Variants in ORC3 observed in about 807,000 individuals in gnomAD.
ORC3 encodes the protein origin recognition complex subunit 3.
In ORC3, 78 loss-of-function variants were observed where a neutral mutation model predicts 100.7. The ratio of observed to expected loss-of-function variants is 0.77; its 90% CI spans 0.65 to 0.94. The LOEUF (loss-of-function observed/expected upper bound fraction) is 0.94. ORC3 is among the 40% of genes least tolerant of loss of function. The pLI, the probability that ORC3 is intolerant of heterozygous loss-of-function variation, is 0.00. For missense variants in ORC3, 789 were observed against 823.9 expected, an observed-to-expected ratio of 0.96 and a Z score of 0.52; for synonymous variants, 295 against 289.3, an observed-to-expected ratio of 1.02 and a Z score of -0.20.
intron 4 of ORC3, 88 bp from the exon 5 acceptor site, chr6:87,605,829 A>T (rs1178447813): frequency 2.9e-6 from 2 of 690,516 alleles, no homozygotes; most frequent in Non-Finnish European, 5.0e-6. Context: ...AAATGTTTTT[A>T]CTTGTTTGCT....
intron 13 of ORC3, among the ~76,000 whole-genome samples, chr6:87,651,554 A>G (rs1769268050): frequency 2.0e-5 from 3 of 152,346 alleles, no homozygotes; most frequent in East Asian, 1.9e-4. Flanking sequence ...CCTTTCACAG[A>G]TAAAGATTAT....
In ORC3 at chr6:87,612,252, A is replaced by G. The variant is rs532365422; in HGVS notation, c.873+4A>G. ...CCTGACTACGGTACTCGATAAGGTAAAAAGAATAAGTTTTACCAGTGAAAT... is the reference window on the plus strand; with the variant it reads ...CCTGACTACGGTACTCGATAAGGTAGAAAGAATAAGTTTTACCAGTGAAAT... On this transcript the variant is annotated splice_donor_region_variant and intron_variant, in intron 8 of 19. Coordinates refer to ENST00000392844, the MANE Select transcript of ORC3 (RefSeq NM_012381.4). 3.4e-5 allele frequency: 54 copies of G among 1,587,922 alleles called. No homozygotes were observed. The highest frequency in any genetic ancestry group is 4.3e-5 in the Non-Finnish European group (50 of 1,169,836).
chr6:87,594,269 G>T, intron 1 of ORC3, 84 bp from the exon 2 acceptor site: 2 of 902,480 alleles, frequency 2.2e-6, no homozygotes, highest in Admixed American at 2.2e-5. Context: ...TTAAAAAAGT[G>T]CTTACCCATA....
rs1052932276 is a variant in ORC3, at chr6:87,642,674, G to A, written c.1382+6188G>A. ...TCCCAGCACTTTGGGAGGCCGAGGC[G>A]GATGGATCACGAGGTCAGGAGATTG... On this transcript the variant is annotated intron_variant, in intron 13 of 19. Coordinates refer to ENST00000392844, the MANE Select transcript of ORC3 (RefSeq NM_012381.4). Among the ~76,000 whole-genome samples, 9 of 150,790 alleles carry A rather than the reference G, an allele frequency of 6.0e-5. No individual in the cohort carries two copies. The South Asian group carries it at 6.3e-4, about 11-fold the overall frequency.
chr6:87,640,364 A>G (rs1469994118), intron 13 of ORC3, among the ~76,000 whole-genome samples: 2 of 152,242 alleles, frequency 1.3e-5, no homozygotes, highest in Non-Finnish European at 2.9e-5. Context: ...TTTTAAATGT[A>G]TGCAACAGAC....
intron 7 of ORC3, among the ~76,000 whole-genome samples, chr6:87,609,996 C>T (rs1778626110): frequency 6.6e-6 from 1 of 152,134 alleles, no homozygotes; most frequent in Non-Finnish European, 1.5e-5. Context: ...AAACTATTTT[C>T]ACGATTGCAT....
intron 2 of ORC3, among the ~76,000 whole-genome samples, chr6:87,600,658 A>G (rs1777827099): frequency 6.6e-6 from 1 of 152,240 alleles, no homozygotes; most frequent in Non-Finnish European, 1.5e-5. Flanking sequence ...AAGTTCAAAC[A>G]TAGTTCAAAG....
Position 87,622,012 on chromosome 6 carries a change from A to G in ORC3, c.1184A>G (p.Lys395Arg). ...VALLTNERYL[K>R]EETQLLLENL... is the part of the protein sequence containing the mutation. Reference sequence around the variant, plus strand: ...CTCTTGACCAATGAGAGATATTTGAAGGTAGGAATGTGAATGTGTTTCAGT... The same window carrying G: ...CTCTTGACCAATGAGAGATATTTGAGGGTAGGAATGTGAATGTGTTTCAGT... Residue 395 changes from lysine (K) to arginine (R), a missense_variant and splice_region_variant, in exon 11 of 20, where the codon AAG (lysine) becomes AGG (arginine). Lys to Arg is a conservative substitution (Grantham distance 26). Around this residue, in one of 3 missense-constraint regions of ORC3, gnomAD observed 366 missense variants for 394.2 expected, o/e 0.93. Coordinates refer to ENST00000392844, the MANE Select transcript of ORC3 (RefSeq NM_012381.4). The G allele has an allele frequency of 6.3e-7, 1 of 1,599,408 alleles. No individual in the cohort carries two copies. Among genetic ancestry groups the G allele is most frequent in the Non-Finnish European group, 8.6e-7 (1 of 1,167,942 alleles).
At chr6:87,606,716 T>TTTG (rs893648735) in intron 5 of ORC3, among the ~76,000 whole-genome samples, 9 of 151,800 alleles carry the variant, frequency 5.9e-5, no homozygotes, top group African/African-American at 2.2e-4. Flanking sequence ...ATTGTGGGGT[T>TTTG]TTGTTGTTGT....
rs189132415 is a variant in ORC3 at position 87,614,553 on chromosome 6, T to C, written c.874-1761T>C. Among the ~76,000 whole-genome samples the C allele has an allele frequency of 2.8e-3, 424 of 152,320 alleles. 4 individuals are homozygous for C. Among genetic ancestry groups the C allele is most frequent in the Non-Finnish European group, 3.8e-3 (259 of 68,032 alleles). On this transcript the variant is annotated intron_variant, in intron 8 of 19. Coordinates refer to ENST00000392844, the MANE Select transcript of ORC3 (RefSeq NM_012381.4). Reference sequence around the variant, plus strand: ...GTCAGGCTGCAAATTTTCCAAACTTTTATGCCCTGCTTCCCTCATAAAATG... The same window carrying C: ...GTCAGGCTGCAAATTTTCCAAACTTCTATGCCCTGCTTCCCTCATAAAATG...
Position 87,615,459 on chromosome 6 carries a change from T to A in ORC3, c.874-855T>A, listed in dbSNP as rs533253909. Among the ~76,000 whole-genome samples the A allele has an allele frequency of 3.7e-4, 56 of 152,330 alleles. 1 individual carries two copies. The highest frequency in any genetic ancestry group is 2.1e-4 in the Non-Finnish European group (14 of 68,028). On this transcript the variant is annotated intron_variant, in intron 8 of 19. Coordinates refer to ENST00000392844, the MANE Select transcript of ORC3 (RefSeq NM_012381.4). ...CCCACTAGCCACTTACACATGGGTT[T>A]TAGTGTTTTTCTTTTTTTCCATAAA...
chr6:87,605,456 G>T (rs936109905), intron 4 of ORC3, among the ~76,000 whole-genome samples: 11 of 152,188 alleles, frequency 7.2e-5, no homozygotes, highest in Non-Finnish European at 1.3e-4. Flanking sequence ...TTTGAGACCA[G>T]CCTGGCCAAC....
At chr6:87,652,158 A>G (rs559277937) in intron 13 of ORC3, among the ~76,000 whole-genome samples, 26 of 152,298 alleles carry the variant, frequency 1.7e-4, no homozygotes, top group Admixed American at 1.7e-3. Context: ...TCGGCCTCCC[A>G]AAGTGCTGGG....
At position 87,653,170 on chromosome 6, in the gene ORC3, T is replaced by A; in HGVS notation, c.1437T>A (p.Phe479Leu). The part of the protein sequence containing the change: ...MTILEKCFKV[F>L]KSYCENHLGS... Reference sequence around the variant, plus strand: ...TACTTGAGAAATGTTTCAAGGTTTTTAAGTCTTATTGTGAAAACCACCTTG... The same window carrying A: ...TACTTGAGAAATGTTTCAAGGTTTTAAAGTCTTATTGTGAAAACCACCTTG... The change falls in exon 14 of 20, where the codon TTT becomes TTA. Residue 479 changes from phenylalanine (F) to leucine (L), a missense_variant. Physicochemically the swap from Phe to Leu is conservative, Grantham distance 22. Coordinates refer to ENST00000392844, the MANE Select transcript of ORC3 (RefSeq NM_012381.4). 2 of 1,613,690 alleles carry A rather than the reference T, an allele frequency of 1.2e-6. No individual in the cohort carries two copies. Among genetic ancestry groups the A allele is most frequent in the Non-Finnish European group, 1.7e-6 (2 of 1,179,576 alleles).
chr6:87,661,306 T>G (rs1475228772), intron 16 of ORC3, among the ~76,000 whole-genome samples: 1 of 152,004 alleles, frequency 6.6e-6, no homozygotes, highest in African/African-American at 2.4e-5. Flanking sequence ...TAACCTTGAG[T>G]AATTAAGATG....
At chr6:87,595,754 ATCAC>A (rs528690920) in intron 2 of ORC3, among the ~76,000 whole-genome samples, 248 of 152,316 alleles carry the variant, frequency 1.6e-3, no homozygotes, top group Non-Finnish European at 2.7e-3. Context: ...GTGGATTTTT[ATCAC>A]TCACTCAGAC....
the ORC3 span, chr6:87,677,738 A>C: frequency 2.0e-6 from 3 of 1,491,598 alleles, no homozygotes; most frequent in East Asian, 4.5e-5. Flanking sequence ...CAGTGTATAG[A>C]AAGTGAAATT....
chr6:87,653,938 T>C (rs985132860), intron 14 of ORC3, among the ~76,000 whole-genome samples: 1 of 152,214 alleles, frequency 6.6e-6, no homozygotes, highest in African/African-American at 2.4e-5. Context: ...TAGCTTTTCA[T>C]GGGCTCTTCT....
the ORC3 span, among the ~76,000 whole-genome samples, chr6:87,676,721 A>T: frequency 9.1e-3 from 1,382 of 151,818 alleles, 16 homozygotes; most frequent in African/African-American, 0.032. Flanking sequence ...CAGAGGTTGC[A>T]GTGAGCCAAG....
Sources: gnomAD v4.1 joint callset for allele counts (sites outside exome capture counted in the v4.1 genomes callset) on GRCh38, gnomAD v4.1.1 for gene constraint, gnomAD v4.1.1 regional missense constraint, MANE v1.5 for transcripts, NCBI Gene and HGNC (gene_info 2026-07-23, HGNC 2026-07-21) for gene names.